The following MCC variants were observed in gnomAD, a reference collection of about 807,000 sequenced individuals.
MCC encodes the protein colorectal mutant cancer protein.
Under a neutral mutation model 116.2 loss-of-function variants are expected in MCC, and 90 were observed. The ratio of observed to expected loss-of-function variants is 0.77; its 90% CI spans 0.65 to 0.92. The LOEUF (loss-of-function observed/expected upper bound fraction) is 0.92. Ranked by LOEUF, MCC falls within the 40% of genes least tolerant of loss-of-function variation. The pLI is 0.00. For missense variants in MCC, 1,516 were observed against 1,312.2 expected (o/e 1.16, Z -2.40); for synonymous variants, 578 against 510.5 (o/e 1.13, Z -1.78).
At chr5:113,067,941 A>T in intron 13 of MCC, 139 bp downstream of exon 13, 1 of 684,448 alleles carries the variant, frequency 1.5e-6, no homozygotes, top group Middle Eastern at 2.5e-4. Flanking sequence ...CCATTCAGTC[A>T]TGAGGAAAAA....
chr5:113,383,216 C>T lies in MCC; in HGVS notation c.415+1752G>A, dbSNP rs559503219. On this transcript the variant is annotated intron_variant, in intron 2 of 18. Transcript: ENST00000408903. ...CATTATTTTAATGCTATATAGTATG[C>T]AATTATTGGTTGGGGTGTTCCACAA... Among the ~76,000 whole-genome samples the T allele has an allele frequency of 4.6e-5, 7 of 152,048 alleles. No homozygotes were observed. The East Asian group carries it at 1.2e-3, about 25-fold the overall frequency.
chr5:113,159,688 G>A (rs1419977724), intron 3 of MCC, among the ~76,000 whole-genome samples: 1 of 152,140 alleles, frequency 6.6e-6, no homozygotes, highest in Non-Finnish European at 1.5e-5. Flanking sequence ...TTCTAATTCA[G>A]ATACATACAG....
chr5:113,231,615 A>G (rs1450519329), intron 3 of MCC, among the ~76,000 whole-genome samples: 1 of 152,092 alleles, frequency 6.6e-6, no homozygotes, highest in South Asian at 2.1e-4. Context: ...TTTCCCCCAT[A>G]TCATCTCTAA....
At chr5:113,440,937 ATAGCATTTT>A (rs1309261694) in intron 1 of MCC, among the ~76,000 whole-genome samples, 1 of 152,232 alleles carries the variant, frequency 6.6e-6, no homozygotes, top group Non-Finnish European at 1.5e-5. Flanking sequence ...GTATGTGTTC[ATAGCATTTT>A]CTCCTCCTTT....
intron 3 of MCC, among the ~76,000 whole-genome samples, chr5:113,245,068 G>T (rs897403769): frequency 6.6e-6 from 1 of 152,104 alleles, no homozygotes; most frequent in Admixed American, 6.5e-5. Flanking sequence ...GAGGCAGGCA[G>T]ATCACCTGAG....
intron 3 of MCC, among the ~76,000 whole-genome samples, chr5:113,203,791 T>C (rs976682888): frequency 2.0e-5 from 3 of 152,196 alleles, no homozygotes; most frequent in Admixed American, 6.5e-5. Context: ...ACCAGATGTA[T>C]GGAGTTTGCT....
chr5:113,109,856 A>C (rs1250627333), intron 6 of MCC, among the ~76,000 whole-genome samples: 2 of 152,224 alleles, frequency 1.3e-5, no homozygotes, highest in East Asian at 3.8e-4. Context: ...TCTAAGGACA[A>C]GGGGGAGTAA....
chr5:113,077,268 A>G (rs1351681906), intron 11 of MCC, among the ~76,000 whole-genome samples: 2 of 152,186 alleles, frequency 1.3e-5, no homozygotes, highest in Non-Finnish European at 2.9e-5. Flanking sequence ...GTTAACAAGG[A>G]TATCCAGGAA....
intron 3 of MCC, among the ~76,000 whole-genome samples, chr5:113,185,907 T>C (rs1761875979): frequency 1.3e-5 from 2 of 152,184 alleles, no homozygotes; most frequent in African/African-American, 4.8e-5. Flanking sequence ...CTTCAGTAAG[T>C]TGAATTCTGG....
intron 1 of MCC, among the ~76,000 whole-genome samples, chr5:113,459,938 A>G (rs1771700107): frequency 6.6e-6 from 1 of 152,106 alleles, no homozygotes; most frequent in Admixed American, 6.5e-5. Flanking sequence ...TAAAGAAAGG[A>G]CAAGTAAACA....
intron 3 of MCC, among the ~76,000 whole-genome samples, chr5:113,159,353 C>CTGT (rs1270756390): frequency 1.3e-5 from 2 of 152,320 alleles, no homozygotes; most frequent in East Asian, 1.9e-4. Context: ...CTATACAGAA[C>CTGT]TGTTCACCCA....
chr5:113,110,774 T>C (rs1352734091), intron 6 of MCC, among the ~76,000 whole-genome samples: 2 of 152,220 alleles, frequency 1.3e-5, no homozygotes, highest in African/African-American at 4.8e-5. Context: ...GCATATGGGA[T>C]AGGGCTATGG....
Position 113,101,757 on chromosome 5 carries a change from C to T in MCC, c.1380G>A (p.Arg460=), listed in dbSNP as rs1471377521. ...KATMNAIREE[R]DRLRRRVREL... ...TGCTCACCCTCCTCCGGAGCCGGTC[C>T]CGCTCTTCCCGGATGGCATTCATGG... The change falls in exon 8 of 19, where the codon CGG becomes CGA. Residue 460 remains arginine (R), a synonymous_variant. Coordinates refer to ENST00000408903, the MANE Select transcript of MCC (RefSeq NM_001085377.2). 4.3e-6 allele frequency: 7 copies of T among 1,613,280 alleles called. No homozygotes were observed. The highest frequency in any genetic ancestry group is 5.9e-6 in the Non-Finnish European group (7 of 1,180,018).
intron 1 of MCC, among the ~76,000 whole-genome samples, chr5:113,444,775 T>C (rs957152268): frequency 6.6e-6 from 1 of 152,190 alleles, no homozygotes; most frequent in Non-Finnish European, 1.5e-5. Flanking sequence ...AATATTACAG[T>C]TCTCTATATT....
At chr5:113,161,850 A>C (rs534557732) in intron 3 of MCC, among the ~76,000 whole-genome samples, 108 of 152,260 alleles carry the variant, frequency 7.1e-4, no homozygotes, top group Non-Finnish European at 8.1e-4. Flanking sequence ...TTTAAAAGAT[A>C]CTTTAATATG....
At chr5:113,481,243 T>A (rs1017130482) in intron 1 of MCC, among the ~76,000 whole-genome samples, 2 of 152,184 alleles carry the variant, frequency 1.3e-5, no homozygotes, top group South Asian at 4.2e-4. Context: ...TTTAAGGGAG[T>A]CCTTTCAGGA....
In MCC at chr5:113,026,226, ACT is replaced by A. The variant is rs1429587724; in HGVS notation, c.*1074_*1075del. On this transcript the variant is annotated 3_prime_UTR_variant, in exon 19 of 19. Transcript: ENST00000408903. ...AAGAAGCCTTAACTACCATTCCCTC[ACT>A]CTGTCCCCGTCATGACAACAGGAGC... The A allele has an allele frequency of 1.3e-5, 2 of 151,974 alleles. No homozygotes were observed. Among genetic ancestry groups the A allele is most frequent in the African/African-American group, 4.8e-5 (2 of 41,370 alleles). The allele number at this position is 151,974 out of a possible 1,614,324, so 9.4% of individuals were successfully genotyped here. A position where few individuals can be genotyped will look rare whatever the true frequency, so the allele number is the denominator to read the frequency against.
At chr5:113,327,237 G>A (rs1240601548) in intron 3 of MCC, among the ~76,000 whole-genome samples, 1 of 151,892 alleles carries the variant, frequency 6.6e-6, no homozygotes, top group Admixed American at 6.6e-5. Flanking sequence ...TGTGTTGGGG[G>A]GTGGGATTTA....
chr5:113,463,709 T>C (rs1309601637), intron 1 of MCC, among the ~76,000 whole-genome samples: 1 of 152,176 alleles, frequency 6.6e-6, no homozygotes, highest in Non-Finnish European at 1.5e-5. Flanking sequence ...CAATTAGTTA[T>C]GCAAGTCTGA....
Sources: gnomAD v4.1 joint callset for allele counts (sites outside exome capture counted in the v4.1 genomes callset) on GRCh38, gnomAD v4.1.1 for gene constraint, MANE v1.5 for transcripts, NCBI Gene and HGNC (gene_info 2026-07-23, HGNC 2026-07-21) for gene names.